Variants in MECOM observed in about 807,000 individuals in gnomAD.
The protein encoded by MECOM is histone-lysine N-methyltransferase MECOM.
In MECOM, 13 loss-of-function variants were observed where a neutral mutation model predicts 116.3. The ratio of observed to expected loss-of-function variants is 0.11; its 90% CI spans 0.07 to 0.18. MECOM has a LOEUF of 0.18. Ranked by LOEUF, MECOM falls within the 10% of genes least tolerant of loss-of-function variation. MECOM has a pLI of 1.00. For synonymous variants in MECOM, 528 were observed against 535.2 expected (o/e 0.99, Z 0.19); for missense variants, 1,299 against 1,509.0 (o/e 0.86, Z 2.31).
At chr3:169,446,252 C>G (rs977841419) in intron 1 of MECOM, among the ~76,000 whole-genome samples, 1 of 152,074 alleles carries the variant, frequency 6.6e-6, no homozygotes, top group East Asian at 1.9e-4. Context: ...AGAATTCCCA[C>G]GTGTTGTGGG....
chr3:169,265,666 G>A (rs912723554), intron 2 of MECOM, among the ~76,000 whole-genome samples: 1 of 152,186 alleles, frequency 6.6e-6, no homozygotes. Flanking sequence ...CTAAAAGCGG[G>A]AGAATAAAAC....
At chr3:169,189,008 A>G (rs950765070) in intron 2 of MECOM, among the ~76,000 whole-genome samples, 31 of 152,100 alleles carry the variant, frequency 2.0e-4, no homozygotes, top group African/African-American at 7.2e-4. Flanking sequence ...TGAATGTATT[A>G]GCCCCAAATT....
intron 1 of MECOM, among the ~76,000 whole-genome samples, chr3:169,421,136 A>G (rs1739656577): frequency 6.6e-6 from 1 of 152,134 alleles, no homozygotes; most frequent in South Asian, 2.1e-4. Flanking sequence ...GTCTAAGGGA[A>G]AGGGTTCTAT....
intron 7 of MECOM, among the ~76,000 whole-genome samples, chr3:169,118,711 C>A (rs1729983899): frequency 1.0e-5 from 1 of 96,770 alleles, no homozygotes. Flanking sequence ...TTCTTTCTTA[C>A]AATCAGATGG....
rs373231973 is a variant in MECOM, at chr3:169,518,120, G to A, written c.38-136596C>T. 2.0e-4 allele frequency among the ~76,000 whole-genome samples: 31 copies of A among 152,222 alleles called. No individual in the cohort carries two copies. In the East Asian group the frequency reaches 2.5e-3, roughly 12 times the overall value. ...TGAAAATACAAAAAATTGGACGGGC[G>A]TGATGGCAGGCGCCTGTGGTTCCAG... On this transcript the variant is annotated intron_variant, in intron 1 of 16. Coordinates refer to ENST00000651503, the MANE Select transcript of MECOM (RefSeq NM_004991.4).
intron 7 of MECOM, among the ~76,000 whole-genome samples, chr3:169,117,233 C>T (rs993792609): frequency 1.3e-5 from 2 of 152,146 alleles, no homozygotes; most frequent in African/African-American, 2.4e-5. Flanking sequence ...TATTGCCTCT[C>T]CCCTTGGGGA....
intron 2 of MECOM, among the ~76,000 whole-genome samples, chr3:169,346,975 G>A (rs978286983): frequency 4.6e-5 from 7 of 151,956 alleles, no homozygotes; most frequent in African/African-American, 1.7e-4. Flanking sequence ...TTTAATAATA[G>A]GGAAACCTTT....
At chr3:169,587,019 T>A (rs776870605) in intron 1 of MECOM, among the ~76,000 whole-genome samples, 3 of 152,208 alleles carry the variant, frequency 2.0e-5, no homozygotes, top group Non-Finnish European at 4.4e-5. Context: ...CTCATTTAAC[T>A]TTCATAATAA....
intron 2 of MECOM, among the ~76,000 whole-genome samples, chr3:169,336,978 G>A (rs926128426): frequency 1.3e-5 from 2 of 152,106 alleles, no homozygotes; most frequent in Non-Finnish European, 2.9e-5. Flanking sequence ...TACTCTGCAA[G>A]TGACTAGAAT....
At chr3:169,372,782 C>T (rs898995789) in intron 2 of MECOM, among the ~76,000 whole-genome samples, 4 of 151,936 alleles carry the variant, frequency 2.6e-5, no homozygotes, top group Admixed American at 1.3e-4. Flanking sequence ...CTTACAACAA[C>T]TCTAATTGGT....
At chr3:169,399,115 C>T (rs1415885241) in intron 1 of MECOM, among the ~76,000 whole-genome samples, 2 of 152,244 alleles carry the variant, frequency 1.3e-5, no homozygotes, top group Admixed American at 6.5e-5. Context: ...TCCATCTCCT[C>T]GTTTTGATTT....
Position 169,381,199 on chromosome 3 carries a change from A to G in MECOM, c.363T>C (p.Ser121=). The G allele has an allele frequency of 6.2e-7, 1 of 1,606,022 alleles. No homozygotes were observed. Among genetic ancestry groups the G allele is most frequent in the East Asian group, 2.2e-5 (1 of 44,662 alleles). The change falls in exon 2 of 17, where the codon AGT becomes AGC. Residue 121 remains serine, a synonymous_variant. Transcript: ENST00000651503. ...GEQRSNLKDP[S]YGWEILDEFY... ...AATACATTCTTACCTCCCATCCATA[A>G]CTGGGGTCTTTCAGGTTTGACCTCT... is the stretch of plus-strand genomic sequence containing the variant.
intron 1 of MECOM, among the ~76,000 whole-genome samples, chr3:169,608,198 A>G (rs1460926076): frequency 6.6e-6 from 1 of 152,162 alleles, no homozygotes; most frequent in Non-Finnish European, 1.5e-5. Context: ...GCTGACCTAG[A>G]ACACCTGCAC....
At chr3:169,352,894 A>G (rs1416557618) in intron 2 of MECOM, among the ~76,000 whole-genome samples, 1 of 151,950 alleles carries the variant, frequency 6.6e-6, no homozygotes, top group Non-Finnish European at 1.5e-5. Context: ...GTCCCTCTCA[A>G]GTACACAATC....
intron 2 of MECOM, among the ~76,000 whole-genome samples, chr3:169,284,981 T>C (rs1006558789): frequency 8.5e-5 from 13 of 152,084 alleles, no homozygotes; most frequent in Admixed American, 6.6e-5. Context: ...GGATCCATGG[T>C]GTGGCCCCCA....
At chr3:169,421,628 A>T (rs1560253071) in intron 1 of MECOM, among the ~76,000 whole-genome samples, 1 of 151,852 alleles carries the variant, frequency 6.6e-6, no homozygotes, top group South Asian at 2.1e-4. Flanking sequence ...AGGCTAACCA[A>T]CGAGAATTCT....
At chr3:169,132,011 A>C in intron 3 of MECOM, 2 of 980,704 alleles carry the variant, frequency 2.0e-6, no homozygotes, top group Non-Finnish European at 1.2e-6. Flanking sequence ...TAATAGGTTG[A>C]AAGGACATGA....
At position 169,363,020 on chromosome 3, in the gene MECOM, A is replaced by G. The variant is rs1367318; in HGVS notation, c.375+18167T>C. 3.3e-3 allele frequency among the ~76,000 whole-genome samples: 503 copies of G among 152,036 alleles called. 3 individuals are homozygous for G. Among genetic ancestry groups the G allele is most frequent in the South Asian group, 0.015 (74 of 4,812 alleles). ...TAATGAAATCAGATGAAAATCGCTT[A>G]GATTAAAATTTCCCCATTTCTTCAC... is the stretch of plus-strand genomic sequence containing the variant. On this transcript the variant is annotated intron_variant, in intron 2 of 16. Transcript: ENST00000651503.
intron 1 of MECOM, among the ~76,000 whole-genome samples, chr3:169,480,094 T>C (rs114575990): frequency 0.011 from 1,619 of 152,266 alleles, 13 homozygotes; most frequent in Non-Finnish European, 0.017. Context: ...ACTATTGGTA[T>C]AAAAAAAGTA....
Sources: gnomAD v4.1 joint callset for allele counts (sites outside exome capture counted in the v4.1 genomes callset) on GRCh38, gnomAD v4.1.1 for gene constraint, MANE v1.5 for transcripts, NCBI Gene and HGNC (gene_info 2026-07-23, HGNC 2026-07-21) for gene names.